Variants in ELOVL6 observed in about 807,000 individuals in gnomAD.
ELOVL6 encodes the protein ELOVL fatty acid elongase 6.
Under a neutral mutation model 31.7 loss-of-function variants are expected in ELOVL6, and 8 were observed. That is an observed-to-expected ratio of 0.25 (90% confidence interval 0.15 to 0.45). The LOEUF is 0.45. ELOVL6 is among the 20% of genes least tolerant of loss of function. The pLI is 1.00. For synonymous variants in ELOVL6, 101 were observed against 117.7 expected, an observed-to-expected ratio of 0.86 and a Z score of 0.92; for missense variants, 126 against 326.4, an observed-to-expected ratio of 0.39 and a Z score of 4.73.
chr4:110,115,726 C>T (rs1251454747), intron 1 of ELOVL6, among the ~76,000 whole-genome samples: 1 of 152,182 alleles, frequency 6.6e-6, no homozygotes, highest in Non-Finnish European at 1.5e-5. Context: ...ATAATGGGGA[C>T]AGCTACAACA....
intron 2 of ELOVL6, among the ~76,000 whole-genome samples, chr4:110,060,926 C>A (rs1755119076): frequency 6.6e-6 from 1 of 152,182 alleles, no homozygotes; most frequent in Admixed American, 6.5e-5. Flanking sequence ...ACTAGGCTAA[C>A]CTGTCCAGAA....
At chr4:110,196,554 C>T (rs1759795077) in intron 1 of ELOVL6, among the ~76,000 whole-genome samples, 1 of 152,220 alleles carries the variant, frequency 6.6e-6, no homozygotes, top group African/African-American at 2.4e-5. Flanking sequence ...GGTCTCGACC[C>T]TTAGTGTCCA....
At chr4:110,151,567 G>A (rs1295307401) in intron 1 of ELOVL6, among the ~76,000 whole-genome samples, 3 of 152,106 alleles carry the variant, frequency 2.0e-5, no homozygotes, top group Admixed American at 1.3e-4. Context: ...TTTGACCTAT[G>A]GGATAGATGC....
intron 2 of ELOVL6, among the ~76,000 whole-genome samples, chr4:110,093,986 C>T (rs1333167900): frequency 6.6e-6 from 1 of 152,008 alleles, no homozygotes; most frequent in African/African-American, 2.4e-5. Flanking sequence ...TATGGTGGCT[C>T]ACGTCTGTAA....
intron 1 of ELOVL6, chr4:110,117,903 A>AAAAAAAAAAAAAAAATTAT: frequency 4.6e-4 from 3 of 6,502 alleles, no homozygotes; most frequent in African/African-American, 9.8e-4. Context: ...AAAAAAAAAA[A>AAAAAAAAAAAAAAAATTAT]ATATATATAT....
chr4:110,197,911 G>A lies in ELOVL6; in HGVS notation c.89+336C>T, dbSNP rs1315357112. Reference sequence around the variant, plus strand: ...AGATGAAAACCGGGGGAGGGGAGGGGAGCACAGGTAGGCGATCTGGACTGT... The same window carrying A: ...AGATGAAAACCGGGGGAGGGGAGGGAAGCACAGGTAGGCGATCTGGACTGT... On this transcript the variant is annotated intron_variant, in intron 1 of 3. Coordinates refer to ENST00000302274, the MANE Select transcript of ELOVL6 (RefSeq NM_024090.3). The A allele has an allele frequency of 4.4e-5, 15 of 338,614 alleles. No individual in the cohort carries two copies. In the Admixed American group the frequency reaches 6.3e-4, roughly 14 times the overall value. The allele number at this position is 338,614 out of a possible 1,614,324, so 21.0% of individuals were successfully genotyped here. A position where few individuals can be genotyped will look rare whatever the true frequency, so the allele number is the denominator to read the frequency against.
At chr4:110,143,351 C>A (rs532362346) in intron 1 of ELOVL6, among the ~76,000 whole-genome samples, 1 of 151,882 alleles carries the variant, frequency 6.6e-6, no homozygotes, top group South Asian at 2.1e-4. Context: ...TATTTATCAT[C>A]CAATTACTTC....
chr4:110,087,804 TAA>T (rs57115145), intron 2 of ELOVL6, among the ~76,000 whole-genome samples: 4 of 142,580 alleles, frequency 2.8e-5, no homozygotes, highest in African/African-American at 2.5e-5. Context: ...AATAAAATTG[TAA>T]AAAAAAAAAA....
chr4:110,102,091 T>C (rs995281597), intron 2 of ELOVL6, among the ~76,000 whole-genome samples: 1 of 152,234 alleles, frequency 6.6e-6, no homozygotes, highest in African/African-American at 2.4e-5. Context: ...AATCTCAATA[T>C]GTTCTTCCAA....
intron 1 of ELOVL6, among the ~76,000 whole-genome samples, chr4:110,187,764 T>C (rs1047948244): frequency 4.0e-5 from 6 of 151,564 alleles, no homozygotes; most frequent in African/African-American, 1.5e-4. Flanking sequence ...TGGCACATAG[T>C]AGGGAACCCA....
intron 3 of ELOVL6, among the ~76,000 whole-genome samples, chr4:110,057,651 GTC>G (rs1031946371): frequency 6.6e-6 from 1 of 151,966 alleles, no homozygotes; most frequent in Non-Finnish European, 1.5e-5. Context: ...AGGAGTTCAA[GTC>G]CAGCCTGGCC....
At chr4:110,065,963 T>G (rs1755287766) in intron 2 of ELOVL6, among the ~76,000 whole-genome samples, 1 of 152,222 alleles carries the variant, frequency 6.6e-6, no homozygotes, top group African/African-American at 2.4e-5. Context: ...ATCTTTTAAT[T>G]CTGAAATGCT....
chr4:110,166,416 T>A (rs1194660228), intron 1 of ELOVL6, among the ~76,000 whole-genome samples: 1 of 151,964 alleles, frequency 6.6e-6, no homozygotes, highest in East Asian at 1.9e-4. Context: ...ATCGAGACCA[T>A]CCCGGCCAAC....
chr4:110,153,555 G>C (rs1406053865), intron 1 of ELOVL6, among the ~76,000 whole-genome samples: 1 of 152,090 alleles, frequency 6.6e-6, no homozygotes, highest in African/African-American at 2.4e-5. Context: ...AAAATGCCAT[G>C]TAAAAAAAAT....
At chr4:110,184,884 T>C (rs1321279175) in intron 1 of ELOVL6, among the ~76,000 whole-genome samples, 1 of 152,196 alleles carries the variant, frequency 6.6e-6, no homozygotes, top group African/African-American at 2.4e-5. Flanking sequence ...ATCAGTTTCA[T>C]ACAGAGCAGT....
At chr4:110,053,777 T>A (rs573625780) in intron 3 of ELOVL6, among the ~76,000 whole-genome samples, 1 of 152,010 alleles carries the variant, frequency 6.6e-6, no homozygotes, top group Admixed American at 6.5e-5. Context: ...ATCTCTACTA[T>A]AAAATTAAAA....
intron 1 of ELOVL6, among the ~76,000 whole-genome samples, chr4:110,144,639 T>A (rs1758057526): frequency 6.6e-6 from 1 of 152,158 alleles, no homozygotes. Flanking sequence ...AGAAATGATC[T>A]GACAGACGGC....
At chr4:110,110,784 T>C (rs548872402) in intron 1 of ELOVL6, among the ~76,000 whole-genome samples, 73 of 152,276 alleles carry the variant, frequency 4.8e-4, no homozygotes, top group African/African-American at 1.6e-3. Flanking sequence ...TGCCCGTAAT[T>C]GATACAAATG....
chr4:110,189,792 C>A (rs1759559157), intron 1 of ELOVL6, among the ~76,000 whole-genome samples: 1 of 151,518 alleles, frequency 6.6e-6, no homozygotes, highest in African/African-American at 2.4e-5. Context: ...CACAGTGAAA[C>A]CCCGTCTCTA....
Sources: allele counts gnomAD v4.1 joint callset (sites outside exome capture counted in the v4.1 genomes callset), GRCh38; gene constraint gnomAD v4.1.1; transcripts MANE v1.5; gene names NCBI Gene and HGNC (gene_info 2026-07-23, HGNC 2026-07-21).